Variants in RAB40A observed in about 807,000 individuals in gnomAD.
RAB40A encodes RAB40A, member RAS oncogene family.
For missense variants in RAB40A, 145 were observed against 230.2 expected (o/e 0.63, Z 2.40); for synonymous variants, 65 against 99.9 (o/e 0.65, Z 2.08).
downstream of RAB40A, among the ~76,000 whole-genome samples, chrX:103,496,547 A>G (rs2073173131): frequency 8.9e-6 from 1 of 112,756 alleles, no homozygotes; most frequent in African/African-American, 3.2e-5. Flanking sequence ...CAAATTTTGA[A>G]ACAACATTTT....
rs2073321921 is a variant in RAB40A at position 103,517,370 on chromosome X, T to A, written c.-71+4A>T. On this transcript the variant is annotated splice_donor_region_variant and intron_variant, in intron 2 of 2. Coordinates refer to ENST00000304236, the MANE Select transcript of RAB40A (RefSeq NM_080879.3). The stretch of plus-strand genomic sequence containing the variant: ...CCAGAGGCCAACAGAGGGAAGAGAC[T>A]CACCCCAAAAACCACAGTCAGTTGA... 1 of 110,866 alleles carries A rather than the reference T, an allele frequency of 9.0e-6. No homozygotes were observed. Among genetic ancestry groups the A allele is most frequent in the Admixed American group, 9.7e-5 (1 of 10,330 alleles). The allele number at this position is 110,866 out of a possible 1,213,427, so 9.1% of individuals were successfully genotyped here. A position where few individuals can be genotyped will look rare whatever the true frequency, so the allele number is the denominator to read the frequency against.
downstream of RAB40A, among the ~76,000 whole-genome samples, chrX:103,494,884 A>T (rs1052893849): frequency 1.8e-5 from 2 of 111,502 alleles, no homozygotes; most frequent in African/African-American, 6.5e-5. Context: ...TGCTCAAGAT[A>T]GCTTTGGGAA....
intron 2 of RAB40A, among the ~76,000 whole-genome samples, chrX:103,509,289 A>ATCTCTCTCTCTC (rs373450734): frequency 1.6e-4 from 14 of 86,110 alleles, no homozygotes; most frequent in African/African-American, 5.1e-4. Flanking sequence ...CAGCCACAGG[A>ATCTCTCTCTCTC]TCTCTCTCTC....
rs1300614068 is a variant in RAB40A at position 103,499,638 on chromosome X, T to G, written c.*285A>C. On this transcript the variant is annotated 3_prime_UTR_variant, in exon 3 of 3. Transcript: ENST00000304236. ...AGTTGCAGCGTGATTATGATATAAG[T>G]AACATTCAAAATTTCACGTTATCAA... 11 of 407,926 alleles carry G rather than the reference T, an allele frequency of 2.7e-5. No individual in the cohort carries two copies. In the Admixed American group the frequency reaches 4.4e-4, roughly 16 times the overall value. 33.6% of individuals were successfully genotyped at this position (407,926 alleles called of 1,213,427 possible). A position where few individuals can be genotyped will look rare whatever the true frequency, so the allele number is the denominator to read the frequency against.
intron 2 of RAB40A, chrX:103,501,522 T>G (rs1226234916): frequency 8.1e-6 from 1 of 123,822 alleles, no homozygotes. Flanking sequence ...AGGACATGGA[T>G]TTTGCTAGAG....
At chrX:103,508,282 G>A (rs994495789) in intron 2 of RAB40A, among the ~76,000 whole-genome samples, 3 of 111,559 alleles carry the variant, frequency 2.7e-5, no homozygotes, top group African/African-American at 9.8e-5. Context: ...AGCCCTGGAA[G>A]CCCATCTTCT....
Position 103,500,677 on chromosome X carries a change from T to C in RAB40A, c.80A>G (p.Lys27Arg). The change falls in exon 3 of 3, where the codon AAG (lysine) becomes AGG (arginine). Residue 27 changes from lysine to arginine, a missense_variant. Physicochemically the swap from Lys to Arg is conservative, Grantham distance 26 (BLOSUM62 2). Transcript: ENST00000304236. The part of the protein sequence containing the change: ...FLLVGDRDVG[K>R]SEILESLQDG... The stretch of plus-strand genomic sequence containing the variant: ...CTGCAGGCTCTCCAGGATCTCACTC[T>C]TGCCTACGTCCCTGTCGCCCACCAG... The C allele has an allele frequency of 8.3e-7, 1 of 1,210,877 alleles. No individual in the cohort carries two copies. The highest frequency in any genetic ancestry group is 1.1e-6 in the Non-Finnish European group (1 of 895,313).
intron 1 of RAB40A, 31 bp downstream of exon 1, chrX:103,519,338 GA>G (rs2073331077): frequency 9.0e-6 from 1 of 111,621 alleles, no homozygotes; most frequent in African/African-American, 3.3e-5. Flanking sequence ...TATAAAAAGA[GA>G]AAGAAATACT....
chrX:103,515,625 G>GT (rs1314637711), intron 2 of RAB40A, among the ~76,000 whole-genome samples: 1 of 111,998 alleles, frequency 8.9e-6, no homozygotes, highest in Admixed American at 9.5e-5. Flanking sequence ...TTCACTAAGT[G>GT]TAACTCACTA....
At position 103,500,168 on chromosome X, in the gene RAB40A, A is replaced by G; in HGVS notation, c.589T>C (p.Cys197Arg). ...SKVLSLQDLC[C>R]RTIVSCTPVH... is the part of the protein sequence containing the mutation. ...GGTGTGCAGGACACGATGGTGCGGC[A>G]GCAGAGGTCTTGCAAGCTCAGTACC... The change falls in exon 3 of 3, where the codon TGC becomes CGC. Residue 197 changes from cysteine (C) to arginine (R), a missense_variant. Transcript: ENST00000304236. 1 of 1,212,222 alleles carries G rather than the reference A, an allele frequency of 8.2e-7. No individual in the cohort carries two copies. Among genetic ancestry groups the G allele is most frequent in the Non-Finnish European group, 1.1e-6 (1 of 895,592 alleles).
intron 2 of RAB40A, chrX:103,502,085 T>A (rs898352051): frequency 2.4e-5 from 3 of 123,583 alleles, no homozygotes; most frequent in African/African-American, 9.7e-5. Context: ...AATTTTCACA[T>A]GTCCAAAATA....
At chrX:103,507,367 A>C (rs1268258948) in intron 2 of RAB40A, among the ~76,000 whole-genome samples, 1 of 110,731 alleles carries the variant, frequency 9.0e-6, no homozygotes, top group Non-Finnish European at 1.9e-5. Flanking sequence ...TCTGAGATGT[A>C]GTTTACATAT....
chrX:103,499,074 T>A (rs1248594612), downstream of RAB40A: 1 of 112,948 alleles, frequency 8.9e-6, no homozygotes, highest in Non-Finnish European at 1.9e-5. Flanking sequence ...TCTTGCGGGG[T>A]TACACTATAC....
Position 103,500,768 on chromosome X carries a change from C to G in RAB40A, c.-12G>C. 3 of 1,204,319 alleles carry G rather than the reference C, an allele frequency of 2.5e-6. No individual in the cohort carries two copies. Among genetic ancestry groups the G allele is most frequent in the Non-Finnish European group, 3.4e-6 (3 of 891,642 alleles). On this transcript the variant is annotated 5_prime_UTR_variant, in exon 3 of 3. Coordinates refer to ENST00000304236, the MANE Select transcript of RAB40A (RefSeq NM_080879.3). Reference sequence around the variant, plus strand: ...CCCGGGGCGCTCATGGTGCTGGCCCCGCACTCCCGCCTGAGCCAGGCCCGC... The same window carrying G: ...CCCGGGGCGCTCATGGTGCTGGCCCGGCACTCCCGCCTGAGCCAGGCCCGC...
chrX:103,498,572 C>T (rs1355857134), downstream of RAB40A, among the ~76,000 whole-genome samples: 2 of 112,251 alleles, frequency 1.8e-5, no homozygotes, highest in Non-Finnish European at 3.8e-5. Flanking sequence ...GGTTGCTTAA[C>T]CTGCAAACAT....
downstream of RAB40A, among the ~76,000 whole-genome samples, chrX:103,496,853 AG>A (rs1379643099): frequency 1.8e-5 from 2 of 112,477 alleles, no homozygotes; most frequent in Non-Finnish European, 3.7e-5. Flanking sequence ...TCTATACAAA[AG>A]CAACTGAATT....
rs182021619 is a variant in RAB40A, at chrX:103,508,139, A to G, written c.-70-7313T>C. Among the ~76,000 whole-genome samples, 13 of 112,184 alleles carry G rather than the reference A, an allele frequency of 1.2e-4. No homozygotes were observed. In the East Asian group the frequency reaches 3.6e-3, roughly 31 times the overall value. ...GCCCTTAGTGGGGTTTTTACACACTAGGTCTACACCCAGGTCTCTTGGCAC... is the reference window on the plus strand; with the variant it reads ...GCCCTTAGTGGGGTTTTTACACACTGGGTCTACACCCAGGTCTCTTGGCAC... On this transcript the variant is annotated intron_variant, in intron 2 of 2. Coordinates refer to ENST00000304236, the MANE Select transcript of RAB40A (RefSeq NM_080879.3).
intron 2 of RAB40A, among the ~76,000 whole-genome samples, chrX:103,507,969 T>C (rs1464588519): frequency 8.9e-6 from 1 of 112,168 alleles, no homozygotes; most frequent in Admixed American, 9.4e-5. Context: ...TTTTTTAATG[T>C]TTATTGTTCA....
chrX:103,503,198 A>C, intron 2 of RAB40A: 1 of 753,665 alleles, frequency 1.3e-6, no homozygotes, highest in Non-Finnish European at 1.6e-6. Flanking sequence ...ACAAGACTGT[A>C]AAAACATATG....
Sources: gnomAD v4.1 joint callset for allele counts (sites outside exome capture counted in the v4.1 genomes callset) on GRCh38, gnomAD v4.1.1 for gene constraint, MANE v1.5 for transcripts, NCBI Gene and HGNC (gene_info 2026-07-23, HGNC 2026-07-21) for gene names.